AKAP9: variants seen among roughly 807,000 people sequenced by gnomAD.
AKAP9 encodes the protein A-kinase anchor protein 9.
Under a neutral mutation model 488.5 loss-of-function variants are expected in AKAP9, and 311 were observed. The ratio of observed to expected loss-of-function variants is 0.64; its 90% CI spans 0.58 to 0.70. AKAP9 has a LOEUF of 0.70. Ranked by LOEUF, AKAP9 falls within the 30% of genes least tolerant of loss-of-function variation. The pLI is 0.00. For synonymous variants in AKAP9, 1,462 were observed against 1,483.5 expected (o/e 0.99, Z 0.33); for missense variants, 4,215 against 4,374.5 (o/e 0.96, Z 1.03).
At chr7:91,952,361 C>A (rs1183021721) in intron 1 of AKAP9, among the ~76,000 whole-genome samples, 2 of 152,148 alleles carry the variant, frequency 1.3e-5, no homozygotes, top group African/African-American at 4.8e-5. Flanking sequence ...CTCTGCCAAG[C>A]ATAAGCATTA....
At chr7:92,064,287 C>G (rs1810404912) in intron 24 of AKAP9, among the ~76,000 whole-genome samples, 1 of 151,766 alleles carries the variant, frequency 6.6e-6, no homozygotes, top group Non-Finnish European at 1.5e-5. Context: ...TCTAGAGATT[C>G]CTAGTCCTGA....
intron 18 of AKAP9, chr7:92,041,175 G>T: frequency 2.6e-6 from 1 of 388,826 alleles, no homozygotes; most frequent in Non-Finnish European, 4.6e-6. Flanking sequence ...CACTGGAAAA[G>T]TGGCTACACG....
intron 1 of AKAP9, among the ~76,000 whole-genome samples, chr7:91,963,423 C>A (rs936423021): frequency 3.3e-5 from 5 of 151,366 alleles, no homozygotes; most frequent in African/African-American, 1.2e-4. Context: ...TTCCTTCATC[C>A]ACAGCAGACA....
At chr7:92,031,061 G>C (rs535417832) in intron 15 of AKAP9, among the ~76,000 whole-genome samples, 1 of 152,188 alleles carries the variant, frequency 6.6e-6, no homozygotes, top group African/African-American at 2.4e-5. Flanking sequence ...AAAGTTTATG[G>C]TTTTTTCTAT....
chr7:92,102,175 AAAT>A (rs1817637362), intron 45 of AKAP9, among the ~76,000 whole-genome samples: 5 of 136,344 alleles, frequency 3.7e-5, no homozygotes, highest in African/African-American at 6.4e-5. Context: ...AAAAAAAAAT[AAAT>A]AAATAAATAA....
intron 8 of AKAP9, among the ~76,000 whole-genome samples, chr7:92,005,549 A>G (rs1799717129): frequency 6.6e-6 from 1 of 152,196 alleles, no homozygotes; most frequent in Non-Finnish European, 1.5e-5. Flanking sequence ...TATCATATTT[A>G]TGATCTTATA....
intron 9 of AKAP9, 33 bp downstream of exon 9, chr7:92,012,675 T>C: frequency 6.5e-7 from 1 of 1,531,390 alleles, no homozygotes; most frequent in Non-Finnish European, 9.0e-7. Context: ...AGTACCATGA[T>C]CCAAATAAGT....
intron 1 of AKAP9, among the ~76,000 whole-genome samples, chr7:91,946,502 C>G (rs1255425079): frequency 6.6e-6 from 1 of 151,650 alleles, no homozygotes; most frequent in Non-Finnish European, 1.5e-5. Context: ...CTCCTGAGCA[C>G]CTGGGACTAC....
In AKAP9 at chr7:92,052,802, T is replaced by C; in HGVS notation, c.5445T>C (p.Thr1815=). The change falls in exon 22 of 50, where the codon ACT becomes ACC. Residue 1815 remains threonine (T), a synonymous_variant. Transcript: ENST00000356239. Reference sequence around the variant, plus strand: ...ACATTAACATGTGGTCAAAAGTAACTGAGGAAGGAACAGAGCTGTCACAAC... The same window carrying C: ...ACATTAACATGTGGTCAAAAGTAACCGAGGAAGGAACAGAGCTGTCACAAC... The part of the protein sequence containing the change: ...RNDINMWSKV[T]EEGTELSQRL... The C allele has an allele frequency of 6.2e-7, 1 of 1,613,850 alleles. No homozygotes were observed.
intron 3 of AKAP9, among the ~76,000 whole-genome samples, chr7:91,985,166 G>C (rs1436745375): frequency 6.6e-6 from 1 of 152,226 alleles, no homozygotes; most frequent in Non-Finnish European, 1.5e-5. Context: ...TAGGAGTGGT[G>C]ACAGAGGGCA....
chr7:92,064,022 T>C (rs963685680), intron 24 of AKAP9, among the ~76,000 whole-genome samples: 2 of 152,182 alleles, frequency 1.3e-5, no homozygotes, highest in African/African-American at 2.4e-5. Context: ...CCTCAGGTGA[T>C]CCGCCCACCT....
chr7:91,994,731 A>G lies in AKAP9; in HGVS notation c.687A>G (p.Leu229=), dbSNP rs368807621. ...REKDETMREF[L]ELTEQSQKLQ... ...AGGATGAGACAATGAGAGAATTTTT[A>G]GAGTTGACAGAACAGAGTCAAAAAT... The change falls in exon 6 of 50, where the codon TTA becomes TTG. Residue 229 remains leucine, a synonymous_variant. Transcript: ENST00000356239. 3 of 1,613,014 alleles carry G rather than the reference A, an allele frequency of 1.9e-6. No individual in the cohort carries two copies. The African/African-American group carries it at 4.0e-5, about 22-fold the overall frequency.
intron 1 of AKAP9, among the ~76,000 whole-genome samples, chr7:91,956,674 G>C (rs1386503264): frequency 6.6e-6 from 1 of 151,928 alleles, no homozygotes; most frequent in African/African-American, 2.4e-5. Flanking sequence ...CATTAACCCA[G>C]ATTGCTAATA....
intron 12 of AKAP9, among the ~76,000 whole-genome samples, chr7:92,019,442 CTTATTTATTTAT>C (rs146689649): frequency 6.6e-6 from 1 of 151,616 alleles, no homozygotes; most frequent in Non-Finnish European, 1.5e-5. Flanking sequence ...ACCCGACCTA[CTTATTTATTTAT>C]TTATTTATTT....
At chr7:91,972,167 T>C (rs1342433371) in intron 1 of AKAP9, among the ~76,000 whole-genome samples, 1 of 152,096 alleles carries the variant, frequency 6.6e-6, no homozygotes, top group Non-Finnish European at 1.5e-5. Flanking sequence ...AGAGGACCTG[T>C]GGCATGAACC....
intron 1 of AKAP9, among the ~76,000 whole-genome samples, chr7:91,963,897 G>A (rs1371995409): frequency 1.3e-5 from 2 of 152,066 alleles, no homozygotes; most frequent in African/African-American, 4.8e-5. Flanking sequence ...GGCCATTGTT[G>A]TAACTGGTCT....
In AKAP9 at chr7:92,079,983, A is replaced by C; in HGVS notation, c.7850A>C (p.Glu2617Ala). 5.1e-6 allele frequency: 8 copies of C among 1,580,472 alleles called. No homozygotes were observed. The highest frequency in any genetic ancestry group is 6.8e-6 in the Non-Finnish European group (8 of 1,168,758). Reference sequence around the variant, plus strand: ...TCAGAATTAGAAAGCCAGGTTGTTGAAATGCATACTAGTTTGATTTTAGAA... The same window carrying C: ...TCAGAATTAGAAAGCCAGGTTGTTGCAATGCATACTAGTTTGATTTTAGAA... ...RISELESQVV[E>A]MHTSLILEKE... Residue 2617 changes from glutamate (E) to alanine (A), a missense_variant, in exon 31 of 50, where the codon GAA (glutamate) becomes GCA (alanine). Coordinates refer to ENST00000356239, the MANE Select transcript of AKAP9 (RefSeq NM_005751.5).
chr7:92,059,321 T>C (rs944351633), intron 22 of AKAP9, among the ~76,000 whole-genome samples: 3 of 151,928 alleles, frequency 2.0e-5, no homozygotes, highest in Non-Finnish European at 4.4e-5. Flanking sequence ...TCTTTAAATA[T>C]TAAGTATTTA....
rs1563071110 is a variant in AKAP9 at position 92,062,338 on chromosome 7, T to C, written c.5829T>C (p.Asp1943=). Residue 1943 remains aspartate, a synonymous_variant, in exon 24 of 50, where the codon GAT becomes GAC. Transcript: ENST00000356239. The part of the protein sequence containing the change: ...LFERQIQEKT[D]IIDRLEQELL... ...AAAGGCAAATTCAGGAAAAAACTGA[T>C]ATAATAGATCGTCTTGAGCAGGAGT... The C allele has an allele frequency of 6.2e-7, 1 of 1,613,872 alleles. No homozygotes were observed. The highest frequency in any genetic ancestry group is 2.2e-5 in the East Asian group (1 of 44,856).
Sources: allele counts gnomAD v4.1 joint callset (sites outside exome capture counted in the v4.1 genomes callset), GRCh38; gene constraint gnomAD v4.1.1; transcripts MANE v1.5; gene names NCBI Gene and HGNC (gene_info 2026-07-23, HGNC 2026-07-21).